SCMH1: variants seen among roughly 807,000 people sequenced by gnomAD.
SCMH1 encodes Scm polycomb group protein homolog 1, also known as polycomb protein SCMH1.
Under a neutral mutation model 70.8 loss-of-function variants are expected in SCMH1, and 37 were observed. That is an observed-to-expected ratio of 0.52 (90% CI 0.40 to 0.69). The LOEUF (loss-of-function observed/expected upper bound fraction) is 0.69. Among genes scored for constraint, SCMH1 ranks in the 30% least tolerant of loss-of-function variants. SCMH1 has a pLI of 0.00. For synonymous variants in SCMH1, 292 were observed against 307.4 expected (o/e 0.95, Z 0.52); for missense variants, 607 against 827.3 (o/e 0.73, Z 3.27).
At chr1:41,157,038 C>A (rs895813278) in intron 4 of SCMH1, among the ~76,000 whole-genome samples, 1 of 150,014 alleles carries the variant, frequency 6.7e-6, no homozygotes, top group Admixed American at 6.7e-5. Context: ...CTCACTGTAA[C>A]CCCGATCTGG....
chr1:41,192,432 C>G (rs540890770), intron 1 of SCMH1, among the ~76,000 whole-genome samples: 8 of 151,658 alleles, frequency 5.3e-5, no homozygotes, highest in Non-Finnish European at 1.2e-4. Flanking sequence ...GAGTTTCCTC[C>G]GCAGCAAAAT....
intron 7 of SCMH1, among the ~76,000 whole-genome samples, chr1:41,115,266 C>T (rs1425866442): frequency 6.6e-6 from 1 of 152,154 alleles, no homozygotes; most frequent in East Asian, 1.9e-4. Flanking sequence ...GATAAGTCTT[C>T]AAATATTCCC....
intron 10 of SCMH1, among the ~76,000 whole-genome samples, chr1:41,053,152 G>A: frequency 6.7e-6 from 1 of 149,126 alleles, no homozygotes; most frequent in East Asian, 2.0e-4. Context: ...CAAAGTGGTG[G>A]GATTACAGGT....
chr1:41,108,019 A>G (rs1668426533), intron 8 of SCMH1, among the ~76,000 whole-genome samples: 1 of 152,222 alleles, frequency 6.6e-6, no homozygotes, highest in Non-Finnish European at 1.5e-5. Context: ...AGAATCCTGT[A>G]CGTGAGCCAC....
chr1:41,035,667 C>T (rs963359428), intron 13 of SCMH1, among the ~76,000 whole-genome samples: 3 of 152,154 alleles, frequency 2.0e-5, no homozygotes, highest in Non-Finnish European at 4.4e-5. Context: ...TGAAGCCTAA[C>T]TTTCTCCTCT....
intron 7 of SCMH1, among the ~76,000 whole-genome samples, chr1:41,114,226 T>C (rs1270322598): frequency 6.6e-6 from 1 of 152,234 alleles, no homozygotes; most frequent in African/African-American, 2.4e-5. Flanking sequence ...TTCTGCTTTA[T>C]CAAATATTTT....
chr1:41,190,715 ACTTT>A (rs759142350), intron 1 of SCMH1, among the ~76,000 whole-genome samples: 8 of 152,294 alleles, frequency 5.3e-5, no homozygotes, highest in Admixed American at 1.3e-4. Context: ...TACAATACCA[ACTTT>A]CTTTCTGAAG....
chr1:41,080,910 A>G (rs1041568172), intron 8 of SCMH1, among the ~76,000 whole-genome samples: 2 of 152,166 alleles, frequency 1.3e-5, no homozygotes, highest in African/African-American at 4.8e-5. Context: ...TTGGAGGTCA[A>G]TGCAATAAGG....
chr1:41,187,665 G>A (rs945681235), intron 1 of SCMH1, among the ~76,000 whole-genome samples: 1 of 151,948 alleles, frequency 6.6e-6, no homozygotes, highest in African/African-American at 2.4e-5. Context: ...GTTAAGGCAG[G>A]AGGACCACCT....
At chr1:41,088,193 AAC>A (rs1428567829) in intron 8 of SCMH1, among the ~76,000 whole-genome samples, 1 of 152,110 alleles carries the variant, frequency 6.6e-6, no homozygotes, top group Non-Finnish European at 1.5e-5. Flanking sequence ...AGGGTAGGAA[AAC>A]ACACATAAAT....
intron 1 of SCMH1, among the ~76,000 whole-genome samples, chr1:41,238,984 CACAT>C (rs945875956): frequency 6.6e-6 from 1 of 152,166 alleles, no homozygotes; most frequent in Non-Finnish European, 1.5e-5. Context: ...CTCTCACCTG[CACAT>C]ACAATCAATC....
At chr1:41,027,317 GGAACC>G (rs1643934406) in exon 15 of SCMH1, 1 of 152,272 alleles carries the variant, frequency 6.6e-6, no homozygotes, top group African/African-American at 2.4e-5. Flanking sequence ...GCGAGTGGGT[GGAACC>G]GACTCCAGCC....
intron 12 of SCMH1, 72 bp from the exon 13 acceptor site, chr1:41,037,613 A>T: frequency 7.3e-7 from 1 of 1,364,282 alleles, no homozygotes; most frequent in Non-Finnish European, 1.0e-6. Context: ...TACCTGTTTG[A>T]GTGGAGCAAG....
At chr1:41,160,878 G>A in exon 4 of SCMH1, 1 of 1,550,160 alleles carries the variant, frequency 6.5e-7, no homozygotes, top group South Asian at 1.2e-5. Context: ...AGCTTACCTA[G>A]ATCCAGGATG....
At chr1:41,206,366 T>G (rs1043863365) in intron 1 of SCMH1, among the ~76,000 whole-genome samples, 1 of 152,162 alleles carries the variant, frequency 6.6e-6, no homozygotes, top group African/African-American at 2.4e-5. Flanking sequence ...CTGATGGAGC[T>G]GAAAACCATG....
chr1:41,229,595 T>C (rs1660919845), intron 1 of SCMH1, among the ~76,000 whole-genome samples: 1 of 151,840 alleles, frequency 6.6e-6, no homozygotes, highest in African/African-American at 2.4e-5. Flanking sequence ...TGTCGGAGGG[T>C]AGAGGGCTGG....
chr1:41,052,394 G>A (rs1648511452), intron 10 of SCMH1, among the ~76,000 whole-genome samples: 1 of 152,220 alleles, frequency 6.6e-6, no homozygotes, highest in African/African-American at 2.4e-5. Flanking sequence ...TGCTCCTTAT[G>A]AGAATCTAAT....
chr1:41,032,220 G>A (rs1260720467), intron 13 of SCMH1, among the ~76,000 whole-genome samples: 3 of 152,242 alleles, frequency 2.0e-5, no homozygotes, highest in Admixed American at 6.5e-5. Flanking sequence ...GGACTAAGAC[G>A]ACCCACATAT....
At chr1:41,118,794 A>T (rs1671181208) in intron 6 of SCMH1, among the ~76,000 whole-genome samples, 1 of 152,230 alleles carries the variant, frequency 6.6e-6, no homozygotes, top group African/African-American at 2.4e-5. Flanking sequence ...ATCCTGAGAT[A>T]ACAAAACCTA....
Sources: gnomAD v4.1 joint callset for allele counts (sites outside exome capture counted in the v4.1 genomes callset) on GRCh38, gnomAD v4.1.1 for gene constraint, MANE v1.5 for transcripts, NCBI Gene and HGNC (gene_info 2026-07-23, HGNC 2026-07-21) for gene names.